The following CDC37L1 variants were observed in gnomAD, a reference collection of about 807,000 sequenced individuals.
CDC37L1 encodes the protein hsp90 co-chaperone Cdc37-like 1.
CDC37L1 carries 32 observed loss-of-function variants against 45.9 expected under a neutral mutation model. The observed-to-expected ratio is 0.70, with a 90% CI of 0.53 to 0.94. The LOEUF is 0.94. Among genes scored for constraint, CDC37L1 ranks in the 40% least tolerant of loss-of-function variants. The pLI is 0.00. For missense variants in CDC37L1, 434 were observed against 405.7 expected (o/e 1.07, Z -0.60); for synonymous variants, 150 against 133.0 (o/e 1.13, Z -0.88).
chr9:4,705,243 C>CAGAT (rs1371460248), intron 6 of CDC37L1, among the ~76,000 whole-genome samples: 1 of 152,060 alleles, frequency 6.6e-6, no homozygotes, highest in Non-Finnish European at 1.5e-5. Flanking sequence ...AAGTAACTAG[C>CAGAT]AGATATTCGG....
intron 1 of CDC37L1, among the ~76,000 whole-genome samples, chr9:4,681,724 A>C (rs1286703371): frequency 2.6e-5 from 4 of 152,214 alleles, no homozygotes; most frequent in African/African-American, 9.7e-5. Flanking sequence ...TACTGGCTTT[A>C]AGACTTAAAT....
chr9:4,697,717 T>G, intron 4 of CDC37L1, 40 bp from the exon 5 acceptor site: 1 of 969,482 alleles, frequency 1.0e-6, no homozygotes, highest in Non-Finnish European at 1.5e-6. Flanking sequence ...ATTAAATATA[T>G]TTATATATTT....
intron 5 of CDC37L1, among the ~76,000 whole-genome samples, chr9:4,700,664 G>T (rs904974124): frequency 6.6e-6 from 1 of 152,048 alleles, no homozygotes; most frequent in Non-Finnish European, 1.5e-5. Flanking sequence ...TTTAAATTAT[G>T]AAATAATCAC....
chr9:4,700,612 C>G (rs998948499), intron 5 of CDC37L1, among the ~76,000 whole-genome samples: 4 of 152,178 alleles, frequency 2.6e-5, no homozygotes, highest in African/African-American at 9.7e-5. Context: ...CGGAAAGGCA[C>G]TGGTCTTCAA....
rs1167134614 is a variant in CDC37L1 at position 4,680,276 on chromosome 9, T to A, written c.132+377T>A. Reference sequence around the variant, plus strand: ...GTTTTCCCCAAGCACTTTATTCTGTTAAAGGCTCTAGCATACTTGTGCACA... The same window carrying A: ...GTTTTCCCCAAGCACTTTATTCTGTAAAAGGCTCTAGCATACTTGTGCACA... On this transcript the variant is annotated intron_variant, in intron 1 of 6. Coordinates refer to ENST00000381854, the MANE Select transcript of CDC37L1 (RefSeq NM_017913.4). Among the ~76,000 whole-genome samples, 3 of 152,208 alleles carry A rather than the reference T, an allele frequency of 2.0e-5. No homozygotes were observed. In the East Asian group the frequency reaches 5.8e-4, roughly 29 times the overall value.
Position 4,706,216 on chromosome 9 carries a change from G to T in CDC37L1, c.*104G>T. The T allele has an allele frequency of 1.8e-6, 1 of 541,802 alleles. No individual in the cohort carries two copies. The highest frequency in any genetic ancestry group is 3.0e-5 in the South Asian group (1 of 33,438). The allele number at this position is 541,802 out of a possible 1,614,324, so 33.6% of individuals were successfully genotyped here. On this transcript the variant is annotated 3_prime_UTR_variant, in exon 7 of 7. Transcript: ENST00000381854. ...GGGTGCTGCACTTTATTTTTGTTCG[G>T]TTTTTGATGGGAGGGAAAGAGTACT...
chr9:4,701,355 A>T (rs1433613149), intron 5 of CDC37L1, among the ~76,000 whole-genome samples: 1 of 152,308 alleles, frequency 6.6e-6, no homozygotes, highest in Middle Eastern at 3.4e-3. Flanking sequence ...GACGTTGACT[A>T]TTGAATTCTA....
intron 6 of CDC37L1, among the ~76,000 whole-genome samples, chr9:4,704,580 A>C (rs958466729): frequency 6.6e-6 from 1 of 152,230 alleles, no homozygotes; most frequent in Non-Finnish European, 1.5e-5. Context: ...CCCAGTCTTA[A>C]TAGAGTAATT....
chr9:4,697,036 C>T (rs1841353992), intron 3 of CDC37L1, 60 bp from the exon 4 acceptor site: 1 of 744,250 alleles, frequency 1.3e-6, no homozygotes, highest in East Asian at 2.5e-5. Flanking sequence ...GTTGGTATTT[C>T]TTCCCTTATG....
At chr9:4,695,387 C>A (rs1422847720) in intron 3 of CDC37L1, among the ~76,000 whole-genome samples, 1 of 152,190 alleles carries the variant, frequency 6.6e-6, no homozygotes, top group Non-Finnish European at 1.5e-5. Flanking sequence ...CATAATCATT[C>A]TGTTTCTCAG....
In CDC37L1 at chr9:4,706,073, T is replaced by TAAAG. The variant is rs1841439031; in HGVS notation, c.978_981dup (p.Asp328ArgfsTer3). On this transcript the variant is annotated frameshift_variant, in exon 7 of 7. Transcript: ENST00000381854. LOFTEE classifies it high-confidence loss of function. The stretch of plus-strand genomic sequence containing the variant: ...TCTGCAGCTTAAACTCGGTGGTACA[T>TAAAG]AAAGAAGATGATGAACCCAAAATGA... 1 of 1,604,622 alleles carries TAAAG rather than the reference T, an allele frequency of 6.2e-7. No homozygotes were observed. The highest frequency in any genetic ancestry group is 1.1e-5 in the South Asian group (1 of 90,860).
intron 3 of CDC37L1, among the ~76,000 whole-genome samples, chr9:4,691,682 T>C (rs1841302177): frequency 6.6e-6 from 1 of 152,174 alleles, no homozygotes; most frequent in African/African-American, 2.4e-5. Context: ...TTTTCCCTTA[T>C]ACAATTTGTT....
intron 6 of CDC37L1, among the ~76,000 whole-genome samples, chr9:4,704,418 G>A (rs1841425212): frequency 6.6e-6 from 1 of 152,212 alleles, no homozygotes; most frequent in East Asian, 1.9e-4. Context: ...TGAAATCTAA[G>A]TGTAGGTTAG....
chr9:4,692,212 T>A (rs1841307194), intron 3 of CDC37L1, among the ~76,000 whole-genome samples: 1 of 152,150 alleles, frequency 6.6e-6, no homozygotes, highest in African/African-American at 2.4e-5. Flanking sequence ...TGAAAAACAT[T>A]TAATATAAAG....
At chr9:4,685,419 T>TA (rs1841238366) in intron 2 of CDC37L1, 1 of 303,892 alleles carries the variant, frequency 3.3e-6, no homozygotes, top group Non-Finnish European at 6.2e-6. Flanking sequence ...TTACATATAT[T>TA]AAAAAACATT....
chr9:4,697,971 G>A, intron 5 of CDC37L1, 92 bp downstream of exon 5: 1 of 1,116,948 alleles, frequency 9.0e-7, no homozygotes, highest in Non-Finnish European at 1.3e-6. Context: ...CATCCAAGCA[G>A]GATGCCACAG....
intron 3 of CDC37L1, among the ~76,000 whole-genome samples, chr9:4,695,825 C>G (rs989240121): frequency 6.6e-6 from 1 of 152,190 alleles, no homozygotes; most frequent in Admixed American, 6.5e-5. Context: ...GTCTCTCGCT[C>G]TGTCGCCCAG....
At chr9:4,685,700 T>C (rs2130844045) in intron 2 of CDC37L1, among the ~76,000 whole-genome samples, 2 of 152,340 alleles carry the variant, frequency 1.3e-5, no homozygotes, top group Middle Eastern at 3.4e-3. Context: ...CCTTTAAGAA[T>C]GAAGGCTTAG....
At position 4,688,513 on chromosome 9, in the gene CDC37L1, A is replaced by G; in HGVS notation, c.415A>G (p.Ser139Gly). 7.0e-7 allele frequency: 1 copy of G among 1,429,362 alleles called. No homozygotes were observed. Among genetic ancestry groups the G allele is most frequent in the Non-Finnish European group, 9.5e-7 (1 of 1,054,104 alleles). The allele number at this position is 1,429,362 out of a possible 1,614,324, so 88.5% of individuals were successfully genotyped here. A position where few individuals can be genotyped will look rare whatever the true frequency, so the allele number is the denominator to read the frequency against. The change falls in exon 3 of 7, where the codon AGT becomes GGT. Residue 139 changes from serine to glycine, a missense_variant and splice_region_variant. Ser to Gly is a moderately conservative substitution (Grantham distance 56, BLOSUM62 0). Transcript: ENST00000381854. The part of the protein sequence containing the change: ...DAISKDVFNK[S>G]FINQDKRKDT... Reference sequence around the variant, plus strand: ...TTAAATTTCTAAAATTTTTTCTTAGAGTTTTATTAATCAAGATAAAAGAAA... The same window carrying G: ...TTAAATTTCTAAAATTTTTTCTTAGGGTTTTATTAATCAAGATAAAAGAAA...
Sources: gnomAD v4.1 joint callset for allele counts (sites outside exome capture counted in the v4.1 genomes callset) on GRCh38, gnomAD v4.1.1 for gene constraint, MANE v1.5 for transcripts, NCBI Gene and HGNC (gene_info 2026-07-23, HGNC 2026-07-21) for gene names.